Variants in LCORL observed in about 807,000 individuals in gnomAD.
The protein encoded by LCORL is ligand-dependent nuclear receptor corepressor-like protein.
LCORL carries 41 observed loss-of-function variants against 141.8 expected under a neutral mutation model. The observed-to-expected ratio is 0.29, with a 90% CI of 0.23 to 0.38. The LOEUF (loss-of-function observed/expected upper bound fraction) is 0.38, where lower values mean the gene tolerates loss of function less well. Ranked by LOEUF, LCORL falls within the 10% of genes least tolerant of loss-of-function variation. The pLI, the probability that LCORL is intolerant of heterozygous loss-of-function variation, is 1.00. For missense variants in LCORL, 1,759 were observed against 2,035.0 expected, an observed-to-expected ratio of 0.86 and a Z score of 2.61; for synonymous variants, 618 against 694.1, an observed-to-expected ratio of 0.89 and a Z score of 1.72.
chr4:17,942,993 A>C (rs1054836133), intron 4 of LCORL, among the ~76,000 whole-genome samples: 1 of 152,134 alleles, frequency 6.6e-6, no homozygotes, highest in African/African-American at 2.4e-5. Flanking sequence ...AATCTAACCA[A>C]TGCCTGATGA....
intron 4 of LCORL, among the ~76,000 whole-genome samples, chr4:17,944,917 G>A (rs1257970647): frequency 1.3e-5 from 2 of 152,096 alleles, no homozygotes; most frequent in Non-Finnish European, 2.9e-5. Context: ...AAAACAGTAT[G>A]AGCAGGCTGT....
chr4:17,991,501 T>G (rs891559267), intron 1 of LCORL, among the ~76,000 whole-genome samples: 10 of 152,202 alleles, frequency 6.6e-5, no homozygotes, highest in African/African-American at 2.4e-4. Flanking sequence ...AGTCACACAT[T>G]CCAAGTTGGA....
At chr4:17,941,035 A>G (rs1417373402) in intron 4 of LCORL, among the ~76,000 whole-genome samples, 1 of 152,316 alleles carries the variant, frequency 6.6e-6, no homozygotes, top group African/African-American at 2.4e-5. Context: ...GAAAAGATTC[A>G]GAGGTTTCTG....
chr4:17,861,331 G>A (rs773002760), intron 7 of LCORL, among the ~76,000 whole-genome samples: 119 of 152,322 alleles, frequency 7.8e-4, no homozygotes, highest in Non-Finnish European at 9.6e-4. Context: ...TGTGGAAGCC[G>A]CCAAGGCACT....
intron 1 of LCORL, among the ~76,000 whole-genome samples, chr4:18,005,451 C>T (rs1722642867): frequency 6.6e-6 from 1 of 152,178 alleles, no homozygotes; most frequent in South Asian, 2.1e-4. Context: ...GACGATGGCC[C>T]TCTTCTCACA....
intron 1 of LCORL, among the ~76,000 whole-genome samples, chr4:17,981,752 T>C (rs1304260369): frequency 1.3e-5 from 2 of 152,006 alleles, no homozygotes. Context: ...GCTTTTCTTA[T>C]TACTTTTATT....
At position 17,930,995 on chromosome 4, in the gene LCORL, T is replaced by C. The variant is rs543769441; in HGVS notation, c.431-21650A>G. Among the ~76,000 whole-genome samples, 3 of 152,340 alleles carry C rather than the reference T, an allele frequency of 2.0e-5. No homozygotes were observed. In the South Asian group the frequency reaches 6.2e-4, roughly 32 times the overall value. ...ACTGAGCTTTCTTGATACCTTTTGC[T>C]ATTTCTTCTGAAAAATTTCATCTGT... On this transcript the variant is annotated intron_variant, in intron 4 of 7. Coordinates refer to ENST00000635767, the Ensembl canonical transcript of LCORL.
intron 2 of LCORL, among the ~76,000 whole-genome samples, chr4:17,971,986 AT>A (rs1002695393): frequency 6.6e-6 from 1 of 151,798 alleles, no homozygotes; most frequent in Admixed American, 6.6e-5. Context: ...AGTTAAAAAA[AT>A]TTTTTTAATT....
At chr4:17,893,676 AT>A in intron 5 of LCORL, 7 of 742,940 alleles carry the variant, frequency 9.4e-6, no homozygotes, top group Non-Finnish European at 1.2e-5. Flanking sequence ...CTTCTAATGC[AT>A]AATTTGCATT....
chr4:18,017,378 T>C (rs1724794330), intron 1 of LCORL, among the ~76,000 whole-genome samples: 1 of 152,148 alleles, frequency 6.6e-6, no homozygotes. Context: ...ACAAATTGCA[T>C]ATTAGTTACA....
intron 4 of LCORL, among the ~76,000 whole-genome samples, chr4:17,937,323 A>C (rs1232721306): frequency 6.6e-6 from 1 of 152,212 alleles, no homozygotes; most frequent in Non-Finnish European, 1.5e-5. Flanking sequence ...CAACTGGGGA[A>C]AAACAGTAAA....
chr4:18,009,242 C>G (rs1044588304), intron 1 of LCORL, among the ~76,000 whole-genome samples: 8 of 152,086 alleles, frequency 5.3e-5, no homozygotes, highest in Admixed American at 2.0e-4. Flanking sequence ...AATCCCTTCT[C>G]AGACAATGAG....
chr4:17,991,832 G>A (rs1468284065), intron 1 of LCORL, among the ~76,000 whole-genome samples: 2 of 151,946 alleles, frequency 1.3e-5, no homozygotes, highest in Admixed American at 6.6e-5. Flanking sequence ...TCTAATACCC[G>A]CTAATACCAT....
At chr4:17,948,129 G>C (rs950696670) in intron 4 of LCORL, among the ~76,000 whole-genome samples, 8 of 151,920 alleles carry the variant, frequency 5.3e-5, no homozygotes, top group Admixed American at 4.6e-4. Context: ...GAGGGTTATA[G>C]TGAAGCCAAG....
At chr4:18,014,128 G>A (rs1471016872) in intron 1 of LCORL, among the ~76,000 whole-genome samples, 2 of 152,034 alleles carry the variant, frequency 1.3e-5, no homozygotes, top group Non-Finnish European at 2.9e-5. Flanking sequence ...TTTTAAAGGC[G>A]ACTGAGGATG....
chr4:17,901,163 G>GA (rs144273681), intron 5 of LCORL, among the ~76,000 whole-genome samples: 7 of 145,110 alleles, frequency 4.8e-5, no homozygotes, highest in South Asian at 2.2e-4. Flanking sequence ...CTTATATGAA[G>GA]AAAAAAAAAA....
intron 1 of LCORL, among the ~76,000 whole-genome samples, chr4:17,982,747 T>C (rs548399783): frequency 6.6e-6 from 1 of 152,350 alleles, no homozygotes; most frequent in South Asian, 2.1e-4. Flanking sequence ...ACAGTTTCTT[T>C]TGCTGTGCAG....
intron 1 of LCORL, among the ~76,000 whole-genome samples, chr4:18,007,416 T>C (rs1023956234): frequency 2.6e-5 from 4 of 152,210 alleles, no homozygotes; most frequent in African/African-American, 9.6e-5. Flanking sequence ...CCCACAATCA[T>C]CTTATGATTG....
intron 4 of LCORL, among the ~76,000 whole-genome samples, chr4:17,957,210 T>G (rs1450829474): frequency 6.6e-6 from 1 of 151,956 alleles, no homozygotes; most frequent in Non-Finnish European, 1.5e-5. Flanking sequence ...GACAAAAATG[T>G]AGATGGAATA....
Sources: allele counts gnomAD v4.1 joint callset (sites outside exome capture counted in the v4.1 genomes callset), GRCh38; gene constraint gnomAD v4.1.1; transcripts MANE v1.5; gene names NCBI Gene and HGNC (gene_info 2026-07-23, HGNC 2026-07-21).